The following EYS variants were observed in gnomAD, a reference collection of about 807,000 sequenced individuals.
EYS encodes the protein EGF-like photoreceptor maintenance factor.
Under a neutral mutation model 282.1 loss-of-function variants are expected in EYS, and 250 were observed. That is an observed-to-expected ratio of 0.89 (90% CI 0.80 to 0.98). The LOEUF is 0.98. Ranked by LOEUF, EYS falls within the 50% of genes least tolerant of loss-of-function variation. The probability of loss-of-function intolerance (pLI) is 0.00; values close to 1 mark genes in which losing one functional copy is unlikely to be tolerated. For missense variants in EYS, 4,016 were observed against 3,709.0 expected (o/e 1.08, Z -2.15); for synonymous variants, 1,355 against 1,282.9 (o/e 1.06, Z -1.20).
chr6:64,502,877 T>A (rs747652791), intron 26 of EYS, among the ~76,000 whole-genome samples: 1 of 152,230 alleles, frequency 6.6e-6, no homozygotes, highest in African/African-American at 2.4e-5. Context: ...TAGCCAGGAA[T>A]ACTCTTATAG....
chr6:64,304,215 C>A (rs1040093626), intron 30 of EYS, among the ~76,000 whole-genome samples: 5 of 152,170 alleles, frequency 3.3e-5, no homozygotes, highest in Non-Finnish European at 7.3e-5. Context: ...CATCTTTCAT[C>A]TGTCACTGGG....
In EYS at chr6:64,151,502, A is replaced by C. The variant is rs556543300; in HGVS notation, c.6425-69500T>G. Among the ~76,000 whole-genome samples the C allele has an allele frequency of 4.6e-3, 695 of 151,042 alleles. 4 individuals carry two copies. Among genetic ancestry groups the C allele is most frequent in the African/African-American group, 0.016 (655 of 41,138 alleles). ...CAGCCTCCCTAGTAGCTGGGACTAC[A>C]GGCTTGCGCCACCAATGACAAGTTA... On this transcript the variant is annotated intron_variant, in intron 31 of 42. Coordinates refer to ENST00000503581, the MANE Select transcript of EYS (RefSeq NM_001142800.2).
At chr6:63,964,552 T>C (rs1766216779) in intron 35 of EYS, among the ~76,000 whole-genome samples, 1 of 152,318 alleles carries the variant, frequency 6.6e-6, no homozygotes, top group East Asian at 1.9e-4. Context: ...ATGCAAAACA[T>C]GCTTTCTTAC....
At chr6:64,818,774 TACCCACTCAA>T (rs11279942) in intron 21 of EYS, among the ~76,000 whole-genome samples, 67,216 of 151,536 alleles carry the variant, frequency 0.44, 15,653 homozygotes, top group East Asian at 0.81. Context: ...GATTAGATTG[TACCCACTCAA>T]ACCCACTCAA....
chr6:65,411,356 G>C (rs1767004691), intron 5 of EYS, among the ~76,000 whole-genome samples: 1 of 152,052 alleles, frequency 6.6e-6, no homozygotes, highest in Admixed American at 6.6e-5. Context: ...ATAGTAAACA[G>C]TGAAATGTGT....
At chr6:65,504,737 A>G (rs1562227532) in intron 2 of EYS, among the ~76,000 whole-genome samples, 1 of 151,604 alleles carries the variant, frequency 6.6e-6, no homozygotes, top group Non-Finnish European at 1.5e-5. Flanking sequence ...GCACTGTGGA[A>G]TAAATTACTG....
chr6:65,037,012 A>C (rs1252497067), intron 13 of EYS, among the ~76,000 whole-genome samples: 1 of 152,024 alleles, frequency 6.6e-6, no homozygotes, highest in Non-Finnish European at 1.5e-5. Flanking sequence ...ATGCACATGT[A>C]TGTTCATTGC....
chr6:65,625,154 A>C (rs931076159), intron 2 of EYS, among the ~76,000 whole-genome samples: 1 of 152,126 alleles, frequency 6.6e-6, no homozygotes, highest in East Asian at 1.9e-4. Context: ...TGTCAGAAGG[A>C]AAACAGGGAC....
rs144151634 is a variant in EYS, at chr6:64,323,358, C to G, written c.6079-16276G>C. Among the ~76,000 whole-genome samples, 86 of 152,192 alleles carry G rather than the reference C, an allele frequency of 5.7e-4. 1 individual carries two copies. Among genetic ancestry groups the G allele is most frequent in the African/African-American group, 1.9e-3 (79 of 41,534 alleles). On this transcript the variant is annotated intron_variant, in intron 29 of 42. Coordinates refer to ENST00000503581, the MANE Select transcript of EYS (RefSeq NM_001142800.2). ...TGTTGTAACATGTATCAGTATTTCA[C>G]CCCTTTTAATTGCCGAATAACATTC...
intron 31 of EYS, among the ~76,000 whole-genome samples, chr6:64,210,663 C>A (rs371623374): frequency 6.6e-6 from 1 of 152,158 alleles, no homozygotes; most frequent in South Asian, 2.1e-4. Context: ...TGATTAAATT[C>A]AAGATTGATA....
At chr6:65,440,954 A>ATATATACATATATAT (rs1299522029) in intron 5 of EYS, among the ~76,000 whole-genome samples, 1 of 146,770 alleles carries the variant, frequency 6.8e-6, no homozygotes, top group African/African-American at 2.5e-5. Context: ...TATGTATATA[A>ATATATACATATATAT]ATATATATAT....
intron 11 of EYS, chr6:65,329,325 T>A: frequency 2.4e-6 from 2 of 823,992 alleles, no homozygotes; most frequent in African/African-American, 1.9e-5. Flanking sequence ...AATTTTGGTA[T>A]GTGTATGGGT....
chr6:64,551,123 T>C (rs1451474587), intron 26 of EYS, among the ~76,000 whole-genome samples: 3 of 149,106 alleles, frequency 2.0e-5, no homozygotes, highest in South Asian at 4.3e-4. Flanking sequence ...CACGCATATA[T>C]ACACACACAT....
At chr6:65,137,239 C>G (rs1014073743) in intron 12 of EYS, among the ~76,000 whole-genome samples, 5 of 152,028 alleles carry the variant, frequency 3.3e-5, no homozygotes, top group African/African-American at 1.2e-4. Context: ...TCTAGTTTCT[C>G]TGAGGAAGTA....
intron 15 of EYS, among the ~76,000 whole-genome samples, chr6:64,933,863 T>C (rs1768812726): frequency 6.6e-6 from 1 of 152,034 alleles, no homozygotes; most frequent in African/African-American, 2.4e-5. Flanking sequence ...ACCATCATTA[T>C]CAGCAAACCA....
At chr6:63,967,584 T>C (rs940901804) in intron 35 of EYS, among the ~76,000 whole-genome samples, 1 of 152,220 alleles carries the variant, frequency 6.6e-6, no homozygotes, top group Non-Finnish European at 1.5e-5. Flanking sequence ...CAAGTGACGA[T>C]AAGCAAGTTT....
intron 11 of EYS, among the ~76,000 whole-genome samples, chr6:65,296,695 T>C (rs1173600301): frequency 6.6e-6 from 1 of 151,894 alleles, no homozygotes; most frequent in Non-Finnish European, 1.5e-5. Context: ...ACATAATTCA[T>C]GCATTCATTA....
intron 35 of EYS, among the ~76,000 whole-genome samples, chr6:63,922,898 C>CA (rs975595885): frequency 6.6e-6 from 1 of 152,206 alleles, no homozygotes; most frequent in Admixed American, 6.5e-5. Flanking sequence ...CAGCTGACCT[C>CA]ATTTCTAGTC....
intron 1 of EYS, among the ~76,000 whole-genome samples, chr6:65,640,748 G>A (rs567522923): frequency 4.6e-4 from 70 of 152,028 alleles, no homozygotes; most frequent in Non-Finnish European, 7.9e-4. Flanking sequence ...TTTTTATGGT[G>A]TATTTGATGA....
Sources: gnomAD v4.1 joint callset for allele counts (sites outside exome capture counted in the v4.1 genomes callset) on GRCh38, gnomAD v4.1.1 for gene constraint, MANE v1.5 for transcripts, NCBI Gene and HGNC (gene_info 2026-07-23, HGNC 2026-07-21) for gene names.